Variants in EIF3H observed in about 807,000 individuals in gnomAD.
The protein encoded by EIF3H is eukaryotic translation initiation factor 3 subunit H.
In EIF3H, 26 loss-of-function variants were observed where a neutral mutation model predicts 44.2. The observed-to-expected ratio is 0.59, with a 90% CI of 0.43 to 0.82. The LOEUF (loss-of-function observed/expected upper bound fraction) is 0.82. Among genes scored for constraint, EIF3H ranks in the 40% least tolerant of loss-of-function variants. EIF3H has a pLI of 0.00. For missense variants in EIF3H, 359 were observed against 432.8 expected (o/e 0.83, Z 1.51); for synonymous variants, 166 against 151.9 (o/e 1.09, Z -0.68).
chr8:116,657,080 C>T (rs936760274), intron 4 of EIF3H, 135 bp downstream of exon 4: 59 of 719,162 alleles, frequency 8.2e-5, no homozygotes, highest in Non-Finnish European at 1.1e-4. Flanking sequence ...AAGCAGCACT[C>T]GGCATGCAGA....
chr8:116,738,789 A>G (rs1815083251), intron 1 of EIF3H, among the ~76,000 whole-genome samples: 1 of 152,252 alleles, frequency 6.6e-6, no homozygotes. Flanking sequence ...CGGAATGCCG[A>G]GGTTACAACC....
chr8:116,653,082 A>G (rs1243884975), intron 5 of EIF3H, among the ~76,000 whole-genome samples: 6 of 152,194 alleles, frequency 3.9e-5, no homozygotes, highest in Non-Finnish European at 8.8e-5. Context: ...GGAAAAAATA[A>G]CAGCACAGGA....
chr8:116,661,519 C>T lies in EIF3H; in HGVS notation c.290-2539G>A, dbSNP rs980603115. 5.9e-5 allele frequency among the ~76,000 whole-genome samples: 9 copies of T among 152,166 alleles called. 1 individual carries two copies. Among genetic ancestry groups the T allele is most frequent in the Admixed American group, 5.9e-4 (9 of 15,270 alleles). ...ATTCTTCTTTGATATTTAATTTTCCCATCTCCAAAGAGATCTGAGAACCCA... is the reference window on the plus strand; with the variant it reads ...ATTCTTCTTTGATATTTAATTTTCCTATCTCCAAAGAGATCTGAGAACCCA... On this transcript the variant is annotated intron_variant, in intron 2 of 7. Coordinates refer to ENST00000521861, the MANE Select transcript of EIF3H (RefSeq NM_003756.3).
chr8:116,695,320 C>T (rs117982378), intron 2 of EIF3H, among the ~76,000 whole-genome samples: 4,619 of 152,230 alleles, frequency 0.03, 91 homozygotes, highest in South Asian at 0.071. Flanking sequence ...TCAAAGGATC[C>T]GCCCACCTTG....
intron 2 of EIF3H, among the ~76,000 whole-genome samples, chr8:116,700,107 T>C (rs557898337): frequency 6.6e-6 from 1 of 152,276 alleles, no homozygotes; most frequent in East Asian, 1.9e-4. Flanking sequence ...TGCCCGGCCG[T>C]AGGTTTTTTA....
rs201388191 is a variant in EIF3H at position 116,645,144 on chromosome 8, A to C, written c.962-41T>G. The C allele has an allele frequency of 6.1e-6, 9 of 1,473,594 alleles. No individual in the cohort carries two copies. In the East Asian group the frequency reaches 1.8e-4, roughly 30 times the overall value. The allele number at this position is 1,473,594 out of a possible 1,614,324, so 91.3% of individuals were successfully genotyped here. A position where few individuals can be genotyped will look rare whatever the true frequency, so the allele number is the denominator to read the frequency against. ...AGAGATAGAGCCATAATGTTCCACA[A>C]ATTGTAAAATGATCCAGAAAGCTAG... is the stretch of plus-strand genomic sequence containing the variant. On this transcript the variant is annotated intron_variant, in intron 7 of 7. Coordinates refer to ENST00000521861, the MANE Select transcript of EIF3H (RefSeq NM_003756.3).
In EIF3H at chr8:116,699,804, T is replaced by G. The variant is rs570771833; in HGVS notation, c.289+26212A>C. 6.1e-4 allele frequency among the ~76,000 whole-genome samples: 74 copies of G among 122,050 alleles called. 1 individual carries two copies. Among genetic ancestry groups the G allele is most frequent in the Middle Eastern group, 4.4e-3 (1 of 226 alleles). 80.1% of individuals were successfully genotyped at this position (122,050 alleles called of 152,430 possible). A position where few individuals can be genotyped will look rare whatever the true frequency, so the allele number is the denominator to read the frequency against. On this transcript the variant is annotated intron_variant, in intron 2 of 7. Coordinates refer to ENST00000521861, the MANE Select transcript of EIF3H (RefSeq NM_003756.3). ...GCAAATGACAGTGCAGGTTTTTTGG[T>G]TTTTTTTGTTTGTTTGTTTGTTTGA... is the stretch of plus-strand genomic sequence containing the variant.
chr8:116,678,090 C>A (rs1194936072), intron 2 of EIF3H, among the ~76,000 whole-genome samples: 1 of 151,616 alleles, frequency 6.6e-6, no homozygotes, highest in East Asian at 1.9e-4. Context: ...AACCTCCCTG[C>A]CTGATTCTCC....
At chr8:116,647,955 T>C (rs904488743) in intron 6 of EIF3H, among the ~76,000 whole-genome samples, 2 of 152,166 alleles carry the variant, frequency 1.3e-5, no homozygotes, top group Non-Finnish European at 2.9e-5. Context: ...TTTACATATG[T>C]TTTCTCAATT....
intron 5 of EIF3H, among the ~76,000 whole-genome samples, chr8:116,651,576 T>C (rs1813394584): frequency 6.6e-6 from 1 of 152,214 alleles, no homozygotes; most frequent in Non-Finnish European, 1.5e-5. Flanking sequence ...CTAGATAACC[T>C]TGGTCCAGTA....
chr8:116,742,300 C>T (rs1201929870), intron 1 of EIF3H, among the ~76,000 whole-genome samples: 1 of 152,034 alleles, frequency 6.6e-6, no homozygotes, highest in Non-Finnish European at 1.5e-5. Context: ...GATTTAGCCT[C>T]AAGAAATTCA....
chr8:116,713,825 T>C (rs954905719), intron 2 of EIF3H, among the ~76,000 whole-genome samples: 11 of 152,116 alleles, frequency 7.2e-5, no homozygotes, highest in African/African-American at 2.7e-4. Flanking sequence ...ATTTTCAAAA[T>C]ACTACGTAAC....
chr8:116,674,381 T>C (rs1470412528), intron 2 of EIF3H, among the ~76,000 whole-genome samples: 1 of 151,490 alleles, frequency 6.6e-6, no homozygotes, highest in Non-Finnish European at 1.5e-5. Context: ...GCAAACGAAG[T>C]AGTGGATGGG....
intron 1 of EIF3H, chr8:116,737,639 AGAGT>A (rs1379122349): frequency 6.5e-6 from 1 of 154,272 alleles, no homozygotes; most frequent in Non-Finnish European, 1.4e-5. Context: ...CCTGGGCAAC[AGAGT>A]GAGACTCTGT....
intron 2 of EIF3H, among the ~76,000 whole-genome samples, chr8:116,675,460 T>C (rs1372925008): frequency 6.6e-6 from 1 of 152,232 alleles, no homozygotes; most frequent in Non-Finnish European, 1.5e-5. Flanking sequence ...CCCCGGCCTC[T>C]ATCCTCTATA....
At chr8:116,666,329 A>C (rs1467715693) in intron 2 of EIF3H, among the ~76,000 whole-genome samples, 1 of 152,146 alleles carries the variant, frequency 6.6e-6, no homozygotes, top group East Asian at 1.9e-4. Context: ...ACGAACTTTG[A>C]CAATTATTAG....
chr8:116,755,966 G>A (rs1312353430), upstream of EIF3H: 2 of 1,536,190 alleles, frequency 1.3e-6, no homozygotes, highest in Non-Finnish European at 1.7e-6. Flanking sequence ...TTTCCAGGCG[G>A]TATCCTTTGT....
chr8:116,737,253 CAAT>C (rs1471607764), intron 1 of EIF3H: 1 of 448,054 alleles, frequency 2.2e-6, no homozygotes, highest in South Asian at 1.6e-5. Context: ...AAATCATCAG[CAAT>C]ATTTTCTATC....
intron 6 of EIF3H, among the ~76,000 whole-genome samples, chr8:116,647,709 A>T (rs1416038238): frequency 6.6e-6 from 1 of 152,214 alleles, no homozygotes; most frequent in Non-Finnish European, 1.5e-5. Flanking sequence ...AAGAAAATCA[A>T]GGGAAACAAC....
Sources: gnomAD v4.1 joint callset for allele counts (sites outside exome capture counted in the v4.1 genomes callset) on GRCh38, gnomAD v4.1.1 for gene constraint, MANE v1.5 for transcripts, NCBI Gene and HGNC (gene_info 2026-07-23, HGNC 2026-07-21) for gene names.